DCAF1: variants seen among roughly 807,000 people sequenced by gnomAD.
DCAF1 encodes DDB1- and CUL4-associated factor 1.
Under a neutral mutation model 128.0 loss-of-function variants are expected in DCAF1, and 15 were observed. The ratio of observed to expected loss-of-function variants is 0.12; its 90% CI spans 0.08 to 0.18. The LOEUF is 0.18. Among genes scored for constraint, DCAF1 ranks in the 10% least tolerant of loss-of-function variants. DCAF1 has a pLI of 1.00. For missense variants in DCAF1, 988 were observed against 1,649.5 expected, an observed-to-expected ratio of 0.60 and a Z score of 6.95; for synonymous variants, 610 against 603.0, an observed-to-expected ratio of 1.01 and a Z score of -0.17.
intron 1 of DCAF1, among the ~76,000 whole-genome samples, chr3:51,499,391 C>G (rs1330670229): frequency 2.6e-5 from 4 of 151,996 alleles, no homozygotes; most frequent in Non-Finnish European, 5.9e-5. Flanking sequence ...AGAGGTGGCA[C>G]GAGGCCGAGA....
intron 2 of DCAF1, among the ~76,000 whole-genome samples, chr3:51,491,200 T>G (rs1553657826): frequency 6.6e-6 from 1 of 151,488 alleles, no homozygotes; most frequent in African/African-American, 2.4e-5. Flanking sequence ...ATACAAAAAT[T>G]AGCTGGGCGT....
chr3:51,453,613 AG>A (rs1352733483), intron 6 of DCAF1, among the ~76,000 whole-genome samples: 1 of 151,972 alleles, frequency 6.6e-6, no homozygotes, highest in Non-Finnish European at 1.5e-5. Context: ...GAAAAAAAAA[AG>A]ATTTCCAGAG....
intron 3 of DCAF1, among the ~76,000 whole-genome samples, chr3:51,478,632 T>C (rs937773717): frequency 6.6e-6 from 1 of 152,118 alleles, no homozygotes; most frequent in Admixed American, 6.6e-5. Flanking sequence ...TGTTTAATAG[T>C]TGGTGTTTAA....
At chr3:51,447,940 C>CT (rs1304895586) in intron 6 of DCAF1, among the ~76,000 whole-genome samples, 1 of 151,850 alleles carries the variant, frequency 6.6e-6, no homozygotes, top group African/African-American at 2.4e-5. Flanking sequence ...GAGCAAGACT[C>CT]TGACTCAATT....
chr3:51,453,938 C>T (rs1396626416), intron 6 of DCAF1, among the ~76,000 whole-genome samples: 3 of 149,636 alleles, frequency 2.0e-5, no homozygotes, highest in African/African-American at 4.9e-5. Context: ...CACGACAGAG[C>T]GAGACTCCAT....
rs116130467 is a variant in DCAF1, at chr3:51,411,279, C to A, written c.4212+1100G>T. ...AAAACATTTTTAGCTGCTTTAATAT[C>A]TGAAGAGCAAAGTCAAATCCTAGTC... is the stretch of plus-strand genomic sequence containing the variant. On this transcript the variant is annotated intron_variant, in intron 23 of 24. Transcript: ENST00000684031. Among the ~76,000 whole-genome samples, 685 of 152,198 alleles carry A rather than the reference C, an allele frequency of 4.5e-3. 4 individuals are homozygous for A. Among genetic ancestry groups the A allele is most frequent in the African/African-American group, 0.016 (658 of 41,554 alleles).
At chr3:51,500,684 C>T (rs1341665728), upstream of DCAF1, among the ~76,000 whole-genome samples, 2 of 152,180 alleles carry the variant, frequency 1.3e-5, no homozygotes, top group African/African-American at 2.4e-5. Flanking sequence ...CAGGCGCATG[C>T]CACCACACCC....
chr3:51,446,999 T>TAATAATAATA (rs370193180), intron 6 of DCAF1, among the ~76,000 whole-genome samples: 3 of 148,138 alleles, frequency 2.0e-5, no homozygotes, highest in Non-Finnish European at 4.5e-5. Context: ...ATAATAATAA[T>TAATAATAATA]AAAATGTTTT....
chr3:51,472,885 G>C (rs1168635752), intron 3 of DCAF1, among the ~76,000 whole-genome samples: 3 of 149,658 alleles, frequency 2.0e-5, no homozygotes, highest in Non-Finnish European at 4.4e-5. Context: ...GGCTGGTCTC[G>C]AACTCCTGAC....
intron 2 of DCAF1, among the ~76,000 whole-genome samples, chr3:51,493,703 A>G (rs936526842): frequency 2.0e-5 from 3 of 151,972 alleles, no homozygotes; most frequent in Admixed American, 1.3e-4. Context: ...TTCTATTTAT[A>G]TAAAACATTG....
chr3:51,461,063 G>A (rs1256999990), intron 6 of DCAF1, among the ~76,000 whole-genome samples: 33 of 151,798 alleles, frequency 2.2e-4, no homozygotes, highest in Admixed American at 1.3e-3. Flanking sequence ...TGACAAATGG[G>A]ATCTAATTAA....
rs552939636 is a variant in DCAF1, at chr3:51,429,922, G to A, written c.1467+111C>T. 44 of 623,428 alleles carry A rather than the reference G, an allele frequency of 7.1e-5. No individual in the cohort carries two copies. In the African/African-American group the frequency reaches 7.6e-4, roughly 11 times the overall value. 38.6% of individuals were successfully genotyped at this position (623,428 alleles called of 1,614,324 possible). ...AAAAAACTTCACAAAAAGAATGGCA[G>A]CAAAACTCCTCTAATCAGAAGCTTC... On this transcript the variant is annotated intron_variant, in intron 11 of 24. Coordinates refer to ENST00000684031, the MANE Select transcript of DCAF1 (RefSeq NM_001387579.1).
intron 9 of DCAF1, chr3:51,436,349 A>C: frequency 3.8e-6 from 2 of 519,756 alleles, no homozygotes; most frequent in South Asian, 1.4e-5. Flanking sequence ...GTTCAGAATG[A>C]ATCAAGTAGT....
chr3:51,429,906 C>A, intron 11 of DCAF1, 127 bp downstream of exon 11: 5 of 582,926 alleles, frequency 8.6e-6, no homozygotes, highest in South Asian at 2.5e-5. Context: ...AAAAAAACTT[C>A]ACAAAAAGAA....
intron 6 of DCAF1, among the ~76,000 whole-genome samples, chr3:51,459,549 T>A (rs1703308994): frequency 6.6e-6 from 1 of 152,200 alleles, no homozygotes; most frequent in Non-Finnish European, 1.5e-5. Flanking sequence ...CCTCCCTAAC[T>A]CATTTTATGA....
intron 9 of DCAF1, among the ~76,000 whole-genome samples, chr3:51,439,187 C>G (rs1701129575): frequency 6.6e-6 from 1 of 151,934 alleles, no homozygotes; most frequent in African/African-American, 2.4e-5. Flanking sequence ...CAGGCTCACC[C>G]TAGTGATCTT....
intron 1 of DCAF1, 111 bp downstream of exon 1, chr3:51,499,762 C>T (rs1243847639): frequency 6.6e-6 from 1 of 151,626 alleles, no homozygotes; most frequent in Admixed American, 6.6e-5. Flanking sequence ...GCGGCCCAAG[C>T]AGGTGCCGCC....
chr3:51,411,445 CAGA>C (rs1437668159), intron 23 of DCAF1, among the ~76,000 whole-genome samples: 3 of 152,156 alleles, frequency 2.0e-5, no homozygotes, highest in Non-Finnish European at 4.4e-5. Context: ...TGCTGAAACT[CAGA>C]AGTTTGAGAA....
chr3:51,469,389 T>C (rs1704488708), intron 4 of DCAF1, among the ~76,000 whole-genome samples: 3 of 151,750 alleles, frequency 2.0e-5, no homozygotes, highest in Admixed American at 6.6e-5. Context: ...CGCCATCATG[T>C]CTGGCTAATT....
Sources: gnomAD v4.1 joint callset for allele counts (sites outside exome capture counted in the v4.1 genomes callset) on GRCh38, gnomAD v4.1.1 for gene constraint, MANE v1.5 for transcripts, NCBI Gene and HGNC (gene_info 2026-07-23, HGNC 2026-07-21) for gene names.